GPR179: variants seen among roughly 807,000 people sequenced by gnomAD.
GPR179 encodes the protein G protein-coupled receptor 179.
GPR179 carries 52 observed loss-of-function variants against 70.8 expected under a neutral mutation model. The ratio of observed to expected loss-of-function variants is 0.73; its 90% CI spans 0.59 to 0.93. GPR179 has a LOEUF of 0.93. GPR179 is among the 40% of genes least tolerant of loss of function. The pLI is 0.00. For synonymous variants in GPR179, 1,123 were observed against 1,169.0 expected (o/e 0.96, Z 0.80); for missense variants, 2,734 against 2,966.8 (o/e 0.92, Z 1.82).
Position 38,331,156 on chromosome 17 carries a change from C to G in GPR179, c.2413G>C (p.Glu805Gln), listed in dbSNP as rs199619898. ...AGGGCAGGGGGCCCCTCCACCGACT[C>G]CCGGCTCTCTGTTCGAGAGGCCTTC... The part of the protein sequence containing the change: ...AKKASRTESR[E>Q]SVEGPPALGF... Residue 805 changes from glutamate (E) to glutamine (Q), a missense_variant, in exon 11 of 11, where the codon GAG becomes CAG. Glu to Gln is a conservative substitution (Grantham distance 29). Coordinates refer to ENST00000616987, the MANE Select transcript of GPR179 (RefSeq NM_001004334.4). The G allele has an allele frequency of 1.4e-3, 2,282 of 1,607,542 alleles. 9 individuals are homozygous for G. Among genetic ancestry groups the G allele is most frequent in the South Asian group, 2.7e-3 (246 of 90,748 alleles).
rs1397587479 is a variant in GPR179, at chr17:38,330,741, G to A, written c.2828C>T (p.Ala943Val). The change falls in exon 11 of 11, where the codon GCC becomes GTC. Residue 943 changes from alanine (A) to valine (V), a missense_variant. By Grantham distance (64) the Ala-to-Val change is moderately conservative. Transcript: ENST00000616987. ...TGGCTCTCCCAGGCCCCCAGACAGG[G>A]CCAAGATGGGGGTAGAAACCTGGTG... ...IRHQVSTPIL[A>V]LSGGLGEPRM... 2 of 1,588,232 alleles carry A rather than the reference G, an allele frequency of 1.3e-6. No individual in the cohort carries two copies. The highest frequency in any genetic ancestry group is 1.7e-6 in the Non-Finnish European group (2 of 1,164,906).
At position 38,334,268 on chromosome 17, in the gene GPR179, G is replaced by A. The variant is rs1475870266; in HGVS notation, c.1785-230C>T. Among the ~76,000 whole-genome samples the A allele has an allele frequency of 6.6e-6, 1 of 152,220 alleles. No individual in the cohort carries two copies. Among genetic ancestry groups the A allele is most frequent in the Non-Finnish European group, 1.5e-5 (1 of 68,046 alleles). On this transcript the variant is annotated intron_variant, in intron 8 of 10. Transcript: ENST00000616987. This position sits in a 1 kb window ranked among gnomAD's most constrained non-coding sequence, Gnocchi z 4.7. ...AGCTCACTTTCTTTGGCTGTGTATA[G>A]CACAGACCTGTGCTCCAGACTCTTA...
intron 4 of GPR179, 147 bp from the exon 5 acceptor site, chr17:38,336,291 C>T (rs2037404121): frequency 3.0e-6 from 2 of 670,652 alleles, no homozygotes; most frequent in Non-Finnish European, 5.5e-6. Flanking sequence ...CATCCACGTC[C>T]CTTGTTACCC....
Position 38,330,270 on chromosome 17 carries a change from G to A in GPR179, c.3299C>T (p.Thr1100Ile). Residue 1100 changes from threonine to isoleucine, a missense_variant, in exon 11 of 11, where the codon ACC becomes ATC. Coordinates refer to ENST00000616987, the MANE Select transcript of GPR179 (RefSeq NM_001004334.4). ...CTCCACACTCTCCTTCTCTCTGTAG[G>A]TGCTCCGAGAACGGGTCAGAGCTTT... is the stretch of plus-strand genomic sequence containing the variant. ...AIKALTRSRS[T>I]YREKESVEES... The A allele has an allele frequency of 6.2e-7, 1 of 1,602,126 alleles. No homozygotes were observed. The highest frequency in any genetic ancestry group is 8.5e-7 in the Non-Finnish European group (1 of 1,172,722).
intron 1 of GPR179, 51 bp from the exon 2 acceptor site, chr17:38,339,576 A>C: frequency 1.5e-6 from 2 of 1,314,952 alleles, no homozygotes; most frequent in Non-Finnish European, 2.2e-6. Flanking sequence ...GCCAAAGTGG[A>C]CGTGTGTCCC....
Position 38,330,952 on chromosome 17 carries a change from T to TC in GPR179, c.2616dup (p.Lys873GlufsTer50). ...CTGGCCATGGCTGCCTTGGCCTTCTTCCGCTCCTCCCGCTCCTTTGCTTGC... is the reference window on the plus strand; with the variant it reads ...CTGGCCATGGCTGCCTTGGCCTTCTTCCCGCTCCTCCCGCTCCTTTGCTTGC... On this transcript the variant is annotated frameshift_variant, in exon 11 of 11. Coordinates refer to ENST00000616987, the MANE Select transcript of GPR179 (RefSeq NM_001004334.4). LOFTEE classifies it low-confidence loss of function (END_TRUNC). 6.2e-7 allele frequency: 1 copy of TC among 1,611,442 alleles called. No individual in the cohort carries two copies. The highest frequency in any genetic ancestry group is 2.2e-5 in the East Asian group (1 of 44,816).
intron 4 of GPR179, among the ~76,000 whole-genome samples, 194 bp from the exon 5 acceptor site, chr17:38,336,338 C>G (rs1281335383): frequency 6.6e-6 from 1 of 152,202 alleles, no homozygotes; most frequent in Non-Finnish European, 1.5e-5. Flanking sequence ...ATGGCTAAGG[C>G]CAAGGTTTTA....
At chr17:38,338,319 C>A (rs1341533554) in intron 2 of GPR179, among the ~76,000 whole-genome samples, 2 of 152,234 alleles carry the variant, frequency 1.3e-5, no homozygotes, top group Non-Finnish European at 2.9e-5. Context: ...GGGGACAGAG[C>A]AGACCTCAGA....
At position 38,326,725 on chromosome 17, in the gene GPR179, G is replaced by A; in HGVS notation, c.6844C>T (p.Pro2282Ser). ...EKPLCLLVHG[P>S]LDHFFPESKI... ...CTTTCTGGAAAGAAGTGATCCAGAG[G>A]CCCATGGACTAAAAGGCATAGTGGT... Residue 2282 changes from proline (P) to serine (S), a missense_variant, in exon 11 of 11, where the codon CCT (proline) becomes TCT (serine). Pro to Ser is a moderately conservative substitution (Grantham distance 74). Coordinates refer to ENST00000616987, the MANE Select transcript of GPR179 (RefSeq NM_001004334.4). 1 of 1,614,186 alleles carries A rather than the reference G, an allele frequency of 6.2e-7. No homozygotes were observed.
Position 38,327,354 on chromosome 17 carries a change from T to C in GPR179, c.6215A>G (p.Glu2072Gly), listed in dbSNP as rs761039469. Reference protein sequence around the residue: ...KPEMADFRQQEAVCPWESQDG... With the variant: ...KPEMADFRQQGAVCPWESQDG... The stretch of plus-strand genomic sequence containing the variant: ...TTGACTCTCCCAGGGACACACAGCC[T>C]CCTGCTGCCTGAAGTCTGCCATCTC... The change falls in exon 11 of 11, where the codon GAG becomes GGG. Residue 2072 changes from glutamate (E) to glycine (G), a missense_variant. Physicochemically the swap from Glu to Gly is moderately conservative, Grantham distance 98. Coordinates refer to ENST00000616987, the MANE Select transcript of GPR179 (RefSeq NM_001004334.4). 2 of 1,614,172 alleles carry C rather than the reference T, an allele frequency of 1.2e-6. No homozygotes were observed. Among genetic ancestry groups the C allele is most frequent in the East Asian group, 4.5e-5 (2 of 44,874 alleles).
chr17:38,326,134 A>G lies in GPR179; in HGVS notation c.*331T>C. On this transcript the variant is annotated 3_prime_UTR_variant, in exon 11 of 11. Coordinates refer to ENST00000616987, the MANE Select transcript of GPR179 (RefSeq NM_001004334.4). ...ACAACTGACTTTTTTCATCCCTAAC[A>G]GTGGCTTTGTGGGTGAGTGTCCAGA... is the stretch of plus-strand genomic sequence containing the variant. 3.5e-6 allele frequency: 1 copy of G among 282,820 alleles called. No homozygotes were observed. Among genetic ancestry groups the G allele is most frequent in the Non-Finnish European group, 6.6e-6 (1 of 151,742 alleles). The allele number at this position is 282,820 out of a possible 1,614,324, so 17.5% of individuals were successfully genotyped here. A position where few individuals can be genotyped will look rare whatever the true frequency, so the allele number is the denominator to read the frequency against.
chr17:38,331,629 G>C (rs2037361423), intron 10 of GPR179, 98 bp from the exon 11 acceptor site: 2 of 1,499,746 alleles, frequency 1.3e-6, no homozygotes, highest in East Asian at 4.6e-5. Context: ...TTTCCCTTAG[G>C]GATCTCTTTC....
At chr17:38,342,032 A>G (rs1174011360) in intron 1 of GPR179, among the ~76,000 whole-genome samples, 1 of 152,034 alleles carries the variant, frequency 6.6e-6, no homozygotes, top group Non-Finnish European at 1.5e-5. Context: ...CAGGAGAATC[A>G]TCTGTACCTG....
chr17:38,327,938 C>G lies in GPR179; in HGVS notation c.5631G>C (p.Glu1877Asp), dbSNP rs953117930. The change falls in exon 11 of 11, where the codon GAG becomes GAC. Residue 1877 changes from glutamate to aspartate, a missense_variant. Physicochemically the swap from Glu to Asp is conservative, Grantham distance 45 (BLOSUM62 2). Coordinates refer to ENST00000616987, the MANE Select transcript of GPR179 (RefSeq NM_001004334.4). ...CQQQETICIW[E>D]NKDLRESPAQ... ...CAGGGGATTCCCTCAAGTCCTTGTT[C>G]TCCCAAATACAAATAGTTTCCTGTT... 4.3e-6 allele frequency: 7 copies of G among 1,614,062 alleles called. No individual in the cohort carries two copies. In the East Asian group the frequency reaches 1.6e-4, roughly 36 times the overall value.
intron 2 of GPR179, among the ~76,000 whole-genome samples, chr17:38,338,796 C>G (rs944816858): frequency 6.6e-6 from 1 of 152,196 alleles, no homozygotes; most frequent in South Asian, 2.1e-4. Flanking sequence ...CTCCCAGTTT[C>G]CCAGTACTGG....
At position 38,331,255 on chromosome 17, in the gene GPR179, G is replaced by C; in HGVS notation, c.2314C>G (p.Arg772Gly). ...PEGTPALHKS[R>G]STYDQRREQD... ...TCCCTGCGCTGGTCATAGGTGCTGC[G>C]GGACTTGTGCAGAGCTGGTGTCCCC... is the stretch of plus-strand genomic sequence containing the variant. The change falls in exon 11 of 11, where the codon CGC becomes GGC. Residue 772 changes from arginine to glycine, a missense_variant. Coordinates refer to ENST00000616987, the MANE Select transcript of GPR179 (RefSeq NM_001004334.4). 2 of 1,588,862 alleles carry C rather than the reference G, an allele frequency of 1.3e-6. No individual in the cohort carries two copies. The highest frequency in any genetic ancestry group is 1.7e-6 in the Non-Finnish European group (2 of 1,168,494).
Position 38,331,269 on chromosome 17 carries a change from G to A in GPR179, c.2300C>T (p.Ala767Val), listed in dbSNP as rs765928294. 3.1e-6 allele frequency: 5 copies of A among 1,592,272 alleles called. No individual in the cohort carries two copies. The highest frequency in any genetic ancestry group is 2.3e-5 in the South Asian group (2 of 88,554). ...SSLQEPEGTP[A>V]LHKSRSTYDQ... ...ATAGGTGCTGCGGGACTTGTGCAGA[G>A]CTGGTGTCCCCTCGGGTTCCTGGAG... Residue 767 changes from alanine (A) to valine (V), a missense_variant, in exon 11 of 11, where the codon GCT (alanine) becomes GTT (valine). Transcript: ENST00000616987.
chr17:38,342,238 G>C (rs2037454865), intron 1 of GPR179, among the ~76,000 whole-genome samples: 1 of 152,034 alleles, frequency 6.6e-6, no homozygotes, highest in African/African-American at 2.4e-5. Flanking sequence ...CTGGTGCATA[G>C]ATTGTCACTG....
In GPR179 at chr17:38,326,862, C is replaced by A; in HGVS notation, c.6707G>T (p.Gly2236Val). The A allele has an allele frequency of 1.2e-6, 2 of 1,614,176 alleles. No individual in the cohort carries two copies. Among genetic ancestry groups the A allele is most frequent in the Non-Finnish European group, 1.7e-6 (2 of 1,180,038 alleles). The change falls in exon 11 of 11, where the codon GGT (glycine) becomes GTT (valine). Residue 2236 changes from glycine (G) to valine (V), a missense_variant. Gly to Val is a moderately radical substitution (Grantham distance 109, BLOSUM62 -3). Transcript: ENST00000616987. ...CCCAGGACAGATGTCTGCCATGGTACCCTTTATTTTATTTCCTTCTGGATC... is the reference window on the plus strand; with the variant it reads ...CCCAGGACAGATGTCTGCCATGGTAACCTTTATTTTATTTCCTTCTGGATC... Reference protein sequence around the residue: ...ITDPEGNKIKGTMADICPGEE... With the variant: ...ITDPEGNKIKVTMADICPGEE...
Sources: allele counts gnomAD v4.1 joint callset (sites outside exome capture counted in the v4.1 genomes callset), GRCh38; gene constraint gnomAD v4.1.1; non-coding constraint Gnocchi (gnomAD v3.1); transcripts MANE v1.5; gene names NCBI Gene and HGNC (gene_info 2026-07-23, HGNC 2026-07-21).